The following ACMSD variants were observed in gnomAD, a reference collection of about 807,000 sequenced individuals.
ACMSD encodes aminocarboxymuconate semialdehyde decarboxylase, also known as 2-amino-3-carboxymuconate-6-semialdehyde decarboxylase.
ACMSD carries 37 observed loss-of-function variants against 45.9 expected under a neutral mutation model. The observed-to-expected ratio is 0.81, with a 90% CI of 0.62 to 1.06. ACMSD has a LOEUF of 1.06. Among genes scored for constraint, ACMSD ranks in the 50% least tolerant of loss-of-function variants. The pLI is 0.00. For synonymous variants in ACMSD, 138 were observed against 148.8 expected (o/e 0.93, Z 0.53); for missense variants, 434 against 420.9 (o/e 1.03, Z -0.27).
At chr2:134,895,137 C>T (rs934162628) in intron 8 of ACMSD, among the ~76,000 whole-genome samples, 1 of 151,312 alleles carries the variant, frequency 6.6e-6, no homozygotes, top group African/African-American at 2.4e-5. Context: ...AACCACATCC[C>T]TACTAAAAAT....
intron 6 of ACMSD, among the ~76,000 whole-genome samples, chr2:134,869,873 G>C (rs540172026): frequency 1.3e-5 from 2 of 152,130 alleles, no homozygotes; most frequent in Non-Finnish European, 2.9e-5. Context: ...TGGATTGTGG[G>C]GTTATGGTTC....
At chr2:134,847,451 T>TAGGTAGATATAGATAG (rs1687117819) in intron 2 of ACMSD, among the ~76,000 whole-genome samples, 8 of 143,980 alleles carry the variant, frequency 5.6e-5, no homozygotes, top group African/African-American at 2.0e-4. Context: ...TAGATAGATA[T>TAGGTAGATATAGATAG]AGATAGAGAT....
intron 2 of ACMSD, 106 bp downstream of exon 2, chr2:134,845,383 T>C: frequency 8.3e-7 from 1 of 1,201,148 alleles, no homozygotes; most frequent in Non-Finnish European, 1.2e-6. Flanking sequence ...CTTCTGCCCA[T>C]GTATTAGCTT....
chr2:134,847,500 T>C (rs1367491812), intron 2 of ACMSD, among the ~76,000 whole-genome samples: 1 of 152,216 alleles, frequency 6.6e-6, no homozygotes, highest in Admixed American at 6.5e-5. Flanking sequence ...GGGATCCATG[T>C]GCAGAATGTG....
In ACMSD at chr2:134,872,688, G is replaced by C. The variant is rs774170936; in HGVS notation, c.849+47G>C. The C allele has an allele frequency of 3.1e-6, 5 of 1,600,848 alleles. No individual in the cohort carries two copies. The African/African-American group carries it at 4.0e-5, about 13-fold the overall frequency. ...GATGGCTTATGGGGAGCAGAATGCT[G>C]CATCAGCAACCCATTCTCTCTCCTT... On this transcript the variant is annotated intron_variant, in intron 8 of 9. Coordinates refer to ENST00000356140, the MANE Select transcript of ACMSD (RefSeq NM_138326.3).
At chr2:134,890,339 G>A (rs1689704207) in intron 8 of ACMSD, among the ~76,000 whole-genome samples, 1 of 152,014 alleles carries the variant, frequency 6.6e-6, no homozygotes, top group South Asian at 2.1e-4. Context: ...AACACAAACT[G>A]AGGACATTCT....
At chr2:134,872,407 T>A in intron 7 of ACMSD, 62 bp from the exon 8 acceptor site, 1 of 1,592,688 alleles carries the variant, frequency 6.3e-7, no homozygotes, top group South Asian at 1.1e-5. Flanking sequence ...GCATATAACA[T>A]CAAGACTAAA....
chr2:134,846,409 A>C (rs992238454), intron 2 of ACMSD, among the ~76,000 whole-genome samples: 1 of 152,008 alleles, frequency 6.6e-6, no homozygotes, highest in Non-Finnish European at 1.5e-5. Context: ...TTTTTTAATT[A>C]TTAATTTTTT....
chr2:134,885,461 G>T (rs1355093696), intron 8 of ACMSD, among the ~76,000 whole-genome samples: 5 of 99,310 alleles, frequency 5.0e-5, no homozygotes, highest in Non-Finnish European at 5.4e-5. Context: ...ACATATGTTA[G>T]ATATGTGATT....
In ACMSD at chr2:134,881,724, C is replaced by T. The variant is rs898255016; in HGVS notation, c.849+9083C>T. ...GGCTTAAAACAAAGAATTTCTCAGG[C>T]TGCGCATAATCCCAACACTTTCGGA... On this transcript the variant is annotated intron_variant, in intron 8 of 9. Coordinates refer to ENST00000356140, the MANE Select transcript of ACMSD (RefSeq NM_138326.3). Among the ~76,000 whole-genome samples the T allele has an allele frequency of 4.6e-5, 7 of 152,148 alleles. 1 individual carries two copies. The highest frequency in any genetic ancestry group is 4.6e-4 in the Admixed American group (7 of 15,276).
At chr2:134,889,538 GATAAA>G (rs1689657079) in intron 8 of ACMSD, among the ~76,000 whole-genome samples, 1 of 151,990 alleles carries the variant, frequency 6.6e-6, no homozygotes, top group Non-Finnish European at 1.5e-5. Flanking sequence ...TAGTTTTAAA[GATAAA>G]ATAAAATAAC....
intron 2 of ACMSD, among the ~76,000 whole-genome samples, chr2:134,848,181 G>A (rs755216115): frequency 2.0e-5 from 3 of 152,170 alleles, no homozygotes; most frequent in African/African-American, 2.4e-5. Flanking sequence ...GTCTATCATC[G>A]ATGGGCATTT....
At chr2:134,885,341 TTA>T (rs1445497596) in intron 8 of ACMSD, among the ~76,000 whole-genome samples, 1 of 102,482 alleles carries the variant, frequency 9.8e-6, no homozygotes, top group Admixed American at 1.5e-4. Flanking sequence ...AAATATATAT[TTA>T]TATATAATAT....
chr2:134,863,507 C>T lies in ACMSD; in HGVS notation c.362C>T (p.Ala121Val), dbSNP rs376175166. 9 of 1,614,244 alleles carry T rather than the reference C, an allele frequency of 5.6e-6. No individual in the cohort carries two copies. Among genetic ancestry groups the T allele is most frequent in the Non-Finnish European group, 6.8e-6 (8 of 1,180,042 alleles). The change falls in exon 5 of 10, where the codon GCC (alanine) becomes GTC (valine). Residue 121 changes from alanine (A) to valine (V), a missense_variant. By Grantham distance (64) the Ala-to-Val change is moderately conservative. Transcript: ENST00000356140. ...GGTCTGGGGACGTTGCCCATGCAGG[C>T]CCCTGAGCTGGCGGTCAAGGAGATG... ...FVGLGTLPMQAPELAVKEMER... is the reference protein window; with the variant it reads ...FVGLGTLPMQVPELAVKEMER...
intron 2 of ACMSD, among the ~76,000 whole-genome samples, chr2:134,848,892 T>A (rs559084830): frequency 8.9e-4 from 136 of 152,342 alleles, no homozygotes; most frequent in African/African-American, 3.2e-3. Flanking sequence ...AACATCACTG[T>A]CTCTGAGGCA....
In ACMSD at chr2:134,896,374, C is replaced by T. The variant is rs76250290; in HGVS notation, c.850-1967C>T. On this transcript the variant is annotated intron_variant, in intron 8 of 9. Transcript: ENST00000356140. ...CAAGGAAGTAAAAAAGACAACTCAC[C>T]GAATGGAGAAAATATTTGCAAATCA... Among the ~76,000 whole-genome samples, 540 of 152,156 alleles carry T rather than the reference C, an allele frequency of 3.5e-3. 3 individuals are homozygous for T. The highest frequency in any genetic ancestry group is 0.012 in the African/African-American group (513 of 41,528).
chr2:134,847,089 G>C (rs1265056028), intron 2 of ACMSD, among the ~76,000 whole-genome samples: 1 of 152,198 alleles, frequency 6.6e-6, no homozygotes, highest in East Asian at 1.9e-4. Flanking sequence ...TGGCAAGGTA[G>C]GCAGAGGCCC....
At chr2:134,867,474 C>T (rs902511231) in intron 5 of ACMSD, 105 bp from the exon 6 acceptor site, 148 of 777,356 alleles carry the variant, frequency 1.9e-4, no homozygotes, top group Middle Eastern at 2.4e-4. Flanking sequence ...TTTATTTGTG[C>T]AGACCAATAT....
intron 2 of ACMSD, among the ~76,000 whole-genome samples, chr2:134,855,534 C>T (rs1406325914): frequency 6.6e-6 from 1 of 152,242 alleles, no homozygotes; most frequent in South Asian, 2.1e-4. Flanking sequence ...CCTGCCTCCA[C>T]CACGACTGCT....
Sources: gnomAD v4.1 joint callset for allele counts (sites outside exome capture counted in the v4.1 genomes callset) on GRCh38, gnomAD v4.1.1 for gene constraint, MANE v1.5 for transcripts, NCBI Gene and HGNC (gene_info 2026-07-23, HGNC 2026-07-21) for gene names.